The following ASIC2 variants were observed in gnomAD, a reference collection of about 807,000 sequenced individuals.
ASIC2 encodes the protein acid-sensing ion channel 2.
ASIC2 carries 25 observed loss-of-function variants against 57.3 expected under a neutral mutation model. That is an observed-to-expected ratio of 0.44 (90% confidence interval 0.32 to 0.61). ASIC2 has a LOEUF of 0.61. Among genes scored for constraint, ASIC2 ranks in the 20% least tolerant of loss-of-function variants. The pLI is 0.06. For synonymous variants in ASIC2, 319 were observed against 307.5 expected (o/e 1.04, Z -0.39); for missense variants, 641 against 738.1 (o/e 0.87, Z 1.52).
intron 1 of ASIC2, among the ~76,000 whole-genome samples, chr17:33,730,952 G>T (rs1345456695): frequency 6.6e-6 from 1 of 152,140 alleles, no homozygotes; most frequent in Non-Finnish European, 1.5e-5. Context: ...AATGAGGGCA[G>T]GTTCCTGGAT....
intron 1 of ASIC2, among the ~76,000 whole-genome samples, chr17:33,565,504 G>A (rs1916205874): frequency 6.6e-6 from 1 of 152,208 alleles, no homozygotes; most frequent in Non-Finnish European, 1.5e-5. Context: ...TTCCAGAACA[G>A]TCCTTAGAGG....
At chr17:33,191,707 C>T (rs1415280712) in intron 1 of ASIC2, among the ~76,000 whole-genome samples, 1 of 152,114 alleles carries the variant, frequency 6.6e-6, no homozygotes, top group Admixed American at 6.5e-5. Flanking sequence ...CTGGATTTCT[C>T]CTAATGCCCC....
chr17:34,092,334 T>G (rs1366246023), intron 1 of ASIC2, among the ~76,000 whole-genome samples: 1 of 152,094 alleles, frequency 6.6e-6, no homozygotes, highest in Non-Finnish European at 1.5e-5. Context: ...ACTGCTGGGG[T>G]AGTGATGGGC....
chr17:33,688,924 G>C (rs1353279479), intron 1 of ASIC2: 1 of 152,196 alleles, frequency 6.6e-6, no homozygotes, highest in African/African-American at 2.4e-5. Flanking sequence ...AGTTCAGGAC[G>C]CTATGACTGT....
intron 1 of ASIC2, among the ~76,000 whole-genome samples, chr17:33,845,353 C>T (rs557873804): frequency 7.2e-5 from 11 of 152,182 alleles, no homozygotes; most frequent in South Asian, 2.1e-4. Flanking sequence ...TTTTGTTTTA[C>T]GAGTAATATT....
At chr17:33,856,529 T>TAATAGTATCAGTAGC (rs1913952892) in intron 1 of ASIC2, among the ~76,000 whole-genome samples, 3 of 147,862 alleles carry the variant, frequency 2.0e-5, no homozygotes, top group African/African-American at 7.6e-5. Flanking sequence ...GTGGTAGTAG[T>TAATAGTATCAGTAGC]AGTGGTAGTA....
At chr17:33,215,904 T>A (rs1278435540) in intron 1 of ASIC2, among the ~76,000 whole-genome samples, 1 of 152,198 alleles carries the variant, frequency 6.6e-6, no homozygotes, top group East Asian at 1.9e-4. Flanking sequence ...TTTCACCGTG[T>A]TAGCCAGGAT....
intron 1 of ASIC2, among the ~76,000 whole-genome samples, chr17:33,717,223 A>G (rs145200207): frequency 2.0e-5 from 3 of 152,384 alleles, no homozygotes; most frequent in Non-Finnish European, 4.4e-5. Context: ...ATTTGATGCA[A>G]TGCATTACTG....
intron 1 of ASIC2, among the ~76,000 whole-genome samples, chr17:33,113,638 C>A (rs1018155799): frequency 3.9e-5 from 6 of 152,206 alleles, no homozygotes; most frequent in African/African-American, 1.4e-4. Context: ...TTATGTAAAT[C>A]TTTACGGCTA....
intron 1 of ASIC2, among the ~76,000 whole-genome samples, chr17:33,361,943 G>C (rs1413807973): frequency 6.6e-6 from 1 of 152,120 alleles, no homozygotes; most frequent in East Asian, 1.9e-4. Flanking sequence ...TTGGTTTTAT[G>C]GTCTCTCCAA....
chr17:33,731,279 G>T (rs534756906), intron 1 of ASIC2, among the ~76,000 whole-genome samples: 4 of 152,204 alleles, frequency 2.6e-5, no homozygotes, highest in African/African-American at 9.6e-5. Context: ...GAAGTTCCTG[G>T]GATCTCTTGC....
chr17:33,831,444 C>G (rs1260122545), intron 1 of ASIC2, among the ~76,000 whole-genome samples: 1 of 152,118 alleles, frequency 6.6e-6, no homozygotes, highest in Non-Finnish European at 1.5e-5. Context: ...ATCCTACATT[C>G]TGGGCTACCC....
chr17:33,745,514 C>CAA lies in ASIC2; in HGVS notation c.555+410462_555+410463dup, dbSNP rs34946574. ...CAGTAAAAATGCTGAAAGTCAAAGT[C>CAA]AAAAAAAAAAAAAATCTTAAAAGCA... On this transcript the variant is annotated intron_variant, in intron 1 of 9. Transcript: ENST00000359872. 6.1e-4 allele frequency among the ~76,000 whole-genome samples: 83 copies of CAA among 136,002 alleles called. No individual in the cohort carries two copies. The Middle Eastern group carries it at 0.011, about 18-fold the overall frequency. 89.2% of individuals were successfully genotyped at this position (136,002 alleles called of 152,430 possible). A position where few individuals can be genotyped will look rare whatever the true frequency, so the allele number is the denominator to read the frequency against.
At chr17:33,275,838 A>G (rs988787373) in intron 1 of ASIC2, among the ~76,000 whole-genome samples, 1 of 152,198 alleles carries the variant, frequency 6.6e-6, no homozygotes, top group African/African-American at 2.4e-5. Context: ...GGAAGAGCAT[A>G]TGGAAAGGCT....
At chr17:33,880,321 G>GT (rs1292184578) in intron 1 of ASIC2, among the ~76,000 whole-genome samples, 1 of 152,060 alleles carries the variant, frequency 6.6e-6, no homozygotes, top group Non-Finnish European at 1.5e-5. Flanking sequence ...CCAGGAGCTG[G>GT]TTTTTTTGAA....
At chr17:33,683,265 A>G (rs1218090830) in intron 1 of ASIC2, among the ~76,000 whole-genome samples, 1 of 152,172 alleles carries the variant, frequency 6.6e-6, no homozygotes, top group African/African-American at 2.4e-5. Context: ...ATGGGGTTTC[A>G]CCATGTTAAC....
chr17:33,258,796 T>A (rs542851403), intron 1 of ASIC2, among the ~76,000 whole-genome samples: 1 of 152,100 alleles, frequency 6.6e-6, no homozygotes, highest in African/African-American at 2.4e-5. Flanking sequence ...GCCCAGCTGG[T>A]AAGTGGTAGA....
chr17:33,545,079 T>C (rs1915537552), intron 1 of ASIC2, among the ~76,000 whole-genome samples: 1 of 152,216 alleles, frequency 6.6e-6, no homozygotes. Flanking sequence ...GTAGCTTCTG[T>C]TCAAATTTAG....
chr17:33,853,094 C>T (rs975403590), intron 1 of ASIC2, among the ~76,000 whole-genome samples: 1 of 152,158 alleles, frequency 6.6e-6, no homozygotes, highest in African/African-American at 2.4e-5. Context: ...TTCTGTGACC[C>T]CAACTTAAAA....
Sources: gnomAD v4.1 joint callset for allele counts (sites outside exome capture counted in the v4.1 genomes callset) on GRCh38, gnomAD v4.1.1 for gene constraint, MANE v1.5 for transcripts, NCBI Gene and HGNC (gene_info 2026-07-23, HGNC 2026-07-21) for gene names.